ECE1: variants seen among roughly 807,000 people sequenced by gnomAD.
The protein encoded by ECE1 is endothelin converting enzyme 1, also known as endothelin-converting enzyme 1.
A neutral mutation model predicts 98.6 loss-of-function variants in ECE1; 35 were observed. The observed-to-expected ratio is 0.35, with a 90% CI of 0.27 to 0.47. ECE1 has a LOEUF of 0.47. Among genes scored for constraint, ECE1 ranks in the 20% least tolerant of loss-of-function variants. The probability of loss-of-function intolerance (pLI) is 1.00; values close to 1 mark genes in which losing one functional copy is unlikely to be tolerated. For missense variants in ECE1, 814 were observed against 1,025.3 expected, an observed-to-expected ratio of 0.79 and a Z score of 2.81; for synonymous variants, 394 against 407.1, an observed-to-expected ratio of 0.97 and a Z score of 0.39.
chr1:21,337,634 G>A (rs1409417998), intron 1 of ECE1, among the ~76,000 whole-genome samples: 1 of 152,198 alleles, frequency 6.6e-6, no homozygotes, highest in Non-Finnish European at 1.5e-5. Flanking sequence ...GACAATAACA[G>A]CAGGTGACAC....
intron 8 of ECE1, among the ~76,000 whole-genome samples, chr1:21,253,558 C>G (rs372479590): frequency 1.3e-5 from 2 of 149,100 alleles, no homozygotes; most frequent in African/African-American, 2.5e-5. Flanking sequence ...GACAGGAGAT[C>G]GAGACCATCC....
rs1166524451 is a variant in ECE1 at position 21,345,391 on chromosome 1, C to G, written c.-13G>C. 1 of 1,339,038 alleles carries G rather than the reference C, an allele frequency of 7.5e-7. No homozygotes were observed. Among genetic ancestry groups the G allele is most frequent in the Non-Finnish European group, 9.7e-7 (1 of 1,034,884 alleles). 82.9% of individuals were successfully genotyped at this position (1,339,038 alleles called of 1,614,324 possible). ...CAGCACTCACCATAGCTCGCGTGCT[C>G]CGCCCCGGCTTCGCGCAGCTCCCCG... On this transcript the variant is annotated 5_prime_UTR_variant, in exon 1 of 19. Transcript: ENST00000415912. The surrounding 1 kb of genome is among the most constrained non-coding windows in gnomAD (Gnocchi z 5.1).
In ECE1 at chr1:21,225,512, C is replaced by G; in HGVS notation, c.1850-72G>C. On this transcript the variant is annotated intron_variant, in intron 16 of 18. Transcript: ENST00000374893. The surrounding 1 kb of genome is among the most constrained non-coding windows in gnomAD (Gnocchi z 5.3). Reference sequence around the variant, plus strand: ...CAGGGACCTGCTGCTCCTCCCTGCTCCTGGTGAGAAGCGGTTCATCCGTCC... The same window carrying G: ...CAGGGACCTGCTGCTCCTCCCTGCTGCTGGTGAGAAGCGGTTCATCCGTCC... 6.5e-7 allele frequency: 1 copy of G among 1,541,888 alleles called. No homozygotes were observed. Among genetic ancestry groups the G allele is most frequent in the African/African-American group, 1.4e-5 (1 of 73,384 alleles).
At chr1:21,302,559 G>T (rs1268955352) in intron 1 of ECE1, among the ~76,000 whole-genome samples, 1 of 152,200 alleles carries the variant, frequency 6.6e-6, no homozygotes, top group African/African-American at 2.4e-5. Flanking sequence ...GGGCCAGAGA[G>T]GATCTGGATG....
chr1:21,260,427 C>T lies in ECE1; in HGVS notation c.494-35G>A, dbSNP rs145327539. The T allele has an allele frequency of 1.2e-4, 193 of 1,613,722 alleles. 1 individual carries two copies. In the African/African-American group the frequency reaches 1.9e-3, roughly 16 times the overall value. On this transcript the variant is annotated intron_variant, in intron 4 of 18. Coordinates refer to ENST00000374893, the MANE Select transcript of ECE1 (RefSeq NM_001397.3). This position sits in a 1 kb window ranked among gnomAD's most constrained non-coding sequence, Gnocchi z 4.3. ...CAGACAGTGGAGTTTGCAATGCGGC[C>T]CCACTTGCCCACTGGGTGGCTTTGG...
chr1:21,314,195 T>C (rs1203457055), intron 1 of ECE1, among the ~76,000 whole-genome samples: 1 of 152,236 alleles, frequency 6.6e-6, no homozygotes, highest in Non-Finnish European at 1.5e-5. Context: ...GGTAAAAAGA[T>C]GGGATCAAAT....
Position 21,220,976 on chromosome 1 carries a change from C to A in ECE1, c.2136+771G>T, listed in dbSNP as rs1275352856. ...AACGCAGTTGTCTCCAAACTGTTCT[C>A]CTTCAGCCAGCGCAGCATCTCTGAG... On this transcript the variant is annotated intron_variant, in intron 18 of 18. Transcript: ENST00000374893. The surrounding 1 kb of genome is among the most constrained non-coding windows in gnomAD (Gnocchi z 5.0). Among the ~76,000 whole-genome samples, 1 of 152,196 alleles carries A rather than the reference C, an allele frequency of 6.6e-6. No homozygotes were observed. The highest frequency in any genetic ancestry group is 2.4e-5 in the African/African-American group (1 of 41,446).
At chr1:21,281,751 C>CA (rs2098254849) in intron 2 of ECE1, among the ~76,000 whole-genome samples, 1 of 152,196 alleles carries the variant, frequency 6.6e-6, no homozygotes, top group Admixed American at 6.5e-5. Flanking sequence ...GGCTGGAGTG[C>CA]AATGGCACGA....
chr1:21,307,577 T>C lies in ECE1; in HGVS notation c.4-17421A>G, dbSNP rs1372369831. Among the ~76,000 whole-genome samples the C allele has an allele frequency of 6.6e-6, 1 of 152,194 alleles. No individual in the cohort carries two copies. Among genetic ancestry groups the C allele is most frequent in the African/African-American group, 2.4e-5 (1 of 41,442 alleles). ...TGAGGACGTCAGCAGCAGAGGGGCC[T>C]CCAGAGGACATTTTCTTGCACCCCA... On this transcript the variant is annotated intron_variant, in intron 1 of 18. Coordinates refer to the ECE1 transcript ENST00000415912. The surrounding 1 kb of genome is among the most constrained non-coding windows in gnomAD (Gnocchi z 4.2).
intron 9 of ECE1, among the ~76,000 whole-genome samples, chr1:21,245,362 C>G (rs1231814280): frequency 6.6e-6 from 1 of 152,208 alleles, no homozygotes. Flanking sequence ...TCAATAAATG[C>G]TTGTTGCCTA....
In ECE1 at chr1:21,322,428, A is replaced by G. The variant is rs1638984491; in HGVS notation, c.3+22948T>C. 6.6e-6 allele frequency among the ~76,000 whole-genome samples: 1 copy of G among 152,212 alleles called. No homozygotes were observed. The highest frequency in any genetic ancestry group is 1.5e-5 in the Non-Finnish European group (1 of 68,034). ...CAGGCAGCCTGGCTGCACAGTTGCC[A>G]TGGAAACACCAGTGGGTTCTTTGGG... is the stretch of plus-strand genomic sequence containing the variant. On this transcript the variant is annotated intron_variant, in intron 1 of 18. Coordinates refer to the ECE1 transcript ENST00000415912. This position sits in a 1 kb window ranked among gnomAD's most constrained non-coding sequence, Gnocchi z 4.1.
chr1:21,291,862 T>C (rs1269239425), upstream of ECE1, among the ~76,000 whole-genome samples: 1 of 151,888 alleles, frequency 6.6e-6, no homozygotes, highest in Non-Finnish European at 1.5e-5. Flanking sequence ...CTGGGTTCAG[T>C]GGTTCACACC....
intron 6 of ECE1, 21 bp from the exon 7 acceptor site, chr1:21,257,611 G>C: frequency 6.2e-7 from 1 of 1,614,002 alleles, no homozygotes; most frequent in Non-Finnish European, 8.5e-7. Context: ...AAGCAGGCAT[G>C]AGAGGGAATT....
In ECE1 at chr1:21,345,227, G is replaced by A. The variant is rs927977415; in HGVS notation, c.3+149C>T. ...CTGCCCGGGCGCTCCCCGACTCCAC[G>A]CCTTCCGAGAGCCGGGCGGGGGCTG... On this transcript the variant is annotated intron_variant, in intron 1 of 18. Transcript: ENST00000415912. This position sits in a 1 kb window ranked among gnomAD's most constrained non-coding sequence, Gnocchi z 5.1. 2.2e-4 allele frequency: 238 copies of A among 1,077,888 alleles called. No individual in the cohort carries two copies. Among genetic ancestry groups the A allele is most frequent in the Admixed American group, 1.4e-3 (30 of 20,840 alleles). 66.8% of individuals were successfully genotyped at this position (1,077,888 alleles called of 1,614,324 possible). A position where few individuals can be genotyped will look rare whatever the true frequency, so the allele number is the denominator to read the frequency against.
At chr1:21,249,052 G>A (rs1327920703) in intron 8 of ECE1, among the ~76,000 whole-genome samples, 7 of 152,000 alleles carry the variant, frequency 4.6e-5, no homozygotes, top group African/African-American at 1.5e-4. Context: ...GTTTTGTTAG[G>A]ATTCTGATTA....
At chr1:21,252,891 T>C (rs1452092143) in intron 8 of ECE1, among the ~76,000 whole-genome samples, 1 of 152,202 alleles carries the variant, frequency 6.6e-6, no homozygotes, top group Non-Finnish European at 1.5e-5. Context: ...ATATAATATG[T>C]TATGCTTGTA....
intron 10 of ECE1, among the ~76,000 whole-genome samples, chr1:21,239,859 A>T (rs562249751): frequency 6.6e-6 from 1 of 151,138 alleles, no homozygotes; most frequent in Admixed American, 6.6e-5. Context: ...TGATGGTTAC[A>T]TGGGTGACTT....
intron 1 of ECE1, chr1:21,299,732 C>T (rs1198402358): frequency 6.6e-6 from 1 of 152,218 alleles, no homozygotes; most frequent in Non-Finnish European, 1.5e-5. Flanking sequence ...ACAACAGTGT[C>T]TCCCTCATAG....
chr1:21,247,094 G>T, intron 9 of ECE1, 127 bp downstream of exon 9: 1 of 1,314,460 alleles, frequency 7.6e-7, no homozygotes, highest in Non-Finnish European at 1.1e-6. Flanking sequence ...ATGTCCTGCT[G>T]CCTCTCGTAA....
Sources: allele counts gnomAD v4.1 joint callset (sites outside exome capture counted in the v4.1 genomes callset), GRCh38; gene constraint gnomAD v4.1.1; non-coding constraint Gnocchi (gnomAD v3.1); transcripts MANE v1.5; gene names NCBI Gene and HGNC (gene_info 2026-07-23, HGNC 2026-07-21).